Variants in RP1 observed in about 807,000 individuals in gnomAD.
RP1 encodes the protein oxygen-regulated protein 1.
A neutral mutation model predicts 14.8 loss-of-function variants in RP1; 16 were observed. That is an observed-to-expected ratio of 1.08 (90% CI 0.73 to 1.65). RP1 has a LOEUF of 1.65. Ranked by LOEUF, RP1 falls within the 40% of genes most tolerant of loss-of-function variation. RP1 has a pLI of 0.00. For synonymous variants in RP1, 876 were observed against 883.6 expected (o/e 0.99, Z 0.15); for missense variants, 2,631 against 2,535.0 (o/e 1.04, Z -0.81).
chr8:54,747,207 G>T (rs1809247393), intron 19 of RP1, among the ~76,000 whole-genome samples: 1 of 152,076 alleles, frequency 6.6e-6, no homozygotes, highest in African/African-American at 2.4e-5. Context: ...TCAAAGAGAA[G>T]CCAGAGTGAT....
chr8:54,689,372 G>A (rs770151752), intron 12 of RP1, among the ~76,000 whole-genome samples: 4 of 152,034 alleles, frequency 2.6e-5, no homozygotes, highest in Non-Finnish European at 5.9e-5. Context: ...GGTGAGAGAG[G>A]GCATCCCTGT....
chr8:54,795,299 T>C (rs140427087), intron 24 of RP1, among the ~76,000 whole-genome samples: 289 of 152,222 alleles, frequency 1.9e-3, no homozygotes, highest in Non-Finnish European at 3.2e-3. Context: ...TGCAGTGTCA[T>C]TCATAATAGC....
chr8:54,667,642 G>A (rs1419526474), intron 7 of RP1, among the ~76,000 whole-genome samples: 1 of 152,082 alleles, frequency 6.6e-6, no homozygotes, highest in Non-Finnish European at 1.5e-5. Context: ...TATTTTCTCA[G>A]TTTCCCAGTG....
At position 54,626,711 on chromosome 8, in the gene RP1, T is replaced by A. The variant is rs375649657; in HGVS notation, c.2829T>A (p.Ser943Arg). Reference sequence around the variant, plus strand: ...CTCCAGTATGTAGAAATGAAACGAGTGTGGTAAATTGTAGCAATAATAGTT... The same window carrying A: ...CTCCAGTATGTAGAAATGAAACGAGAGTGGTAAATTGTAGCAATAATAGTT... ...KSAPVCRNET[S>R]VVNCSNNSFS... The change falls in exon 4 of 4, where the codon AGT (serine) becomes AGA (arginine). Residue 943 changes from serine to arginine, a missense_variant. Coordinates refer to ENST00000220676, the MANE Select transcript of RP1 (RefSeq NM_006269.2). 1 of 1,613,868 alleles carries A rather than the reference T, an allele frequency of 6.2e-7. No individual in the cohort carries two copies. Among genetic ancestry groups the A allele is most frequent in the South Asian group, 1.1e-5 (1 of 91,072 alleles).
chr8:54,792,162 T>G (rs1321448146), intron 24 of RP1, among the ~76,000 whole-genome samples: 2 of 151,984 alleles, frequency 1.3e-5, no homozygotes, highest in Non-Finnish European at 2.9e-5. Flanking sequence ...ATAGAACAAT[T>G]ATAAATATTT....
intron 24 of RP1, among the ~76,000 whole-genome samples, chr8:54,799,406 T>C (rs903593949): frequency 3.3e-5 from 5 of 152,048 alleles, no homozygotes; most frequent in African/African-American, 7.2e-5. Context: ...TTCTTGTAGA[T>C]AGTATGGAGT....
chr8:54,571,366 G>A (rs1269039749), intron 1 of RP1, among the ~76,000 whole-genome samples: 1 of 152,154 alleles, frequency 6.6e-6, no homozygotes, highest in East Asian at 1.9e-4. Flanking sequence ...CAGGGACTGT[G>A]TCTTCCTGCT....
intron 24 of RP1, among the ~76,000 whole-genome samples, chr8:54,800,965 TG>T (rs1810690660): frequency 1.3e-5 from 2 of 152,194 alleles, no homozygotes; most frequent in African/African-American, 4.8e-5. Flanking sequence ...CAGTAGATAG[TG>T]AAATAAATAC....
exon 23 of RP1, chr8:54,769,869 C>A: frequency 3.7e-6 from 4 of 1,077,044 alleles, no homozygotes; most frequent in Non-Finnish European, 4.0e-6. Context: ...CATCATGGAA[C>A]ACTATTCCCC....
intron 21 of RP1, among the ~76,000 whole-genome samples, chr8:54,756,679 G>A (rs1403669586): frequency 1.3e-5 from 2 of 152,160 alleles, no homozygotes; most frequent in African/African-American, 2.4e-5. Context: ...TAAGTGATCA[G>A]CGAAGTGATC....
At chr8:54,736,026 CT>C (rs1291435854) in intron 18 of RP1, among the ~76,000 whole-genome samples, 1 of 152,096 alleles carries the variant, frequency 6.6e-6, no homozygotes, top group East Asian at 1.9e-4. Flanking sequence ...TTTAATTTGC[CT>C]GAGGTACAGT....
At chr8:54,571,810 T>C (rs1027889451) in intron 1 of RP1, among the ~76,000 whole-genome samples, 6 of 152,076 alleles carry the variant, frequency 3.9e-5, no homozygotes, top group Non-Finnish European at 7.4e-5. Flanking sequence ...TTTTTTAGCA[T>C]TTCTTGGCTT....
intron 24 of RP1, among the ~76,000 whole-genome samples, chr8:54,791,695 AAAG>A (rs1810469398): frequency 6.6e-6 from 1 of 152,084 alleles, no homozygotes. Flanking sequence ...TGGTAACCAC[AAAG>A]AATAAACCTG....
intron 24 of RP1, among the ~76,000 whole-genome samples, chr8:54,804,283 A>G (rs1422996545): frequency 6.6e-6 from 1 of 152,142 alleles, no homozygotes; most frequent in Admixed American, 6.5e-5. Context: ...TTCTAAAAGT[A>G]AAAGGAAAAT....
At chr8:54,825,877 C>G (rs1256765867) in intron 24 of RP1, among the ~76,000 whole-genome samples, 1 of 151,074 alleles carries the variant, frequency 6.6e-6, no homozygotes, top group African/African-American at 2.4e-5. Flanking sequence ...TGAGACCAGC[C>G]TGGGCAACAT....
At chr8:54,608,622 C>T (rs779519380) in intron 1 of RP1, among the ~76,000 whole-genome samples, 5 of 152,100 alleles carry the variant, frequency 3.3e-5, no homozygotes, top group Non-Finnish European at 7.3e-5. Flanking sequence ...TGCAGCAAAC[C>T]ACCAAGGCAC....
intron 24 of RP1, among the ~76,000 whole-genome samples, chr8:54,827,476 G>A (rs904349311): frequency 6.6e-6 from 1 of 151,862 alleles, no homozygotes; most frequent in African/African-American, 2.4e-5. Context: ...CTCCAGGTGC[G>A]TGCCACCATG....
chr8:54,727,886 A>G (rs1358979242), intron 17 of RP1, among the ~76,000 whole-genome samples: 2 of 152,036 alleles, frequency 1.3e-5, no homozygotes, highest in Admixed American at 1.3e-4. Flanking sequence ...TAAGTCAATA[A>G]TTAATTGTAA....
intron 15 of RP1, among the ~76,000 whole-genome samples, chr8:54,707,208 G>A (rs768890381): frequency 1.3e-5 from 2 of 151,966 alleles, no homozygotes; most frequent in African/African-American, 4.8e-5. Context: ...ATGCAATCTC[G>A]GCTCACAGCA....
Sources: allele counts gnomAD v4.1 joint callset (sites outside exome capture counted in the v4.1 genomes callset), GRCh38; gene constraint gnomAD v4.1.1; transcripts MANE v1.5; gene names NCBI Gene and HGNC (gene_info 2026-07-23, HGNC 2026-07-21).